The following TMEM266 variants were observed in gnomAD, a reference collection of about 807,000 sequenced individuals.
The protein encoded by TMEM266 is Hv1 related protein 1.
TMEM266 carries 33 observed loss-of-function variants against 50.5 expected under a neutral mutation model. The observed-to-expected ratio is 0.65, with a 90% confidence interval of 0.50 to 0.87. The LOEUF (loss-of-function observed/expected upper bound fraction) is 0.87, where lower values mean the gene tolerates loss of function less well. TMEM266 is among the 40% of genes least tolerant of loss of function. TMEM266 has a pLI of 0.00. For missense variants in TMEM266, 655 were observed against 695.1 expected (o/e 0.94, Z 0.65); for synonymous variants, 310 against 292.3 (o/e 1.06, Z -0.62).
In TMEM266 at chr15:76,133,549, G is replaced by T. The variant is rs561202595; in HGVS notation, c.-96-619G>T. Among the ~76,000 whole-genome samples, 194 of 152,342 alleles carry T rather than the reference G, an allele frequency of 1.3e-3. 2 individuals are homozygous for T. In the Middle Eastern group the frequency reaches 0.014, roughly 11 times the overall value. ...TTACAGGCATGACCTCATGTAGTTA[G>T]TTCTGTTATTATCCCCATTTTTCAG... On this transcript the variant is annotated intron_variant, in intron 1 of 10. Coordinates refer to ENST00000388942, the MANE Select transcript of TMEM266 (RefSeq NM_152335.3).
At chr15:76,202,606 G>A (rs2038766132) in intron 10 of TMEM266, among the ~76,000 whole-genome samples, 1 of 152,180 alleles carries the variant, frequency 6.6e-6, no homozygotes, top group Non-Finnish European at 1.5e-5. Context: ...GGGCACAGTG[G>A]AGGCTGAGGT....
chr15:76,202,408 C>T (rs2038763013), intron 10 of TMEM266, 144 bp downstream of exon 10: 1 of 739,836 alleles, frequency 1.4e-6, no homozygotes, highest in Non-Finnish European at 2.1e-6. Flanking sequence ...GTTAAAATAT[C>T]GGAGCTTCAG....
At chr15:76,199,027 A>G (rs1423104598) in intron 9 of TMEM266, among the ~76,000 whole-genome samples, 1 of 123,210 alleles carries the variant, frequency 8.1e-6, no homozygotes, top group East Asian at 3.4e-4. Flanking sequence ...GGAGCAAGTA[A>G]TCTAATTCAT....
chr15:76,086,300 A>T (rs1319966168), intron 1 of TMEM266, among the ~76,000 whole-genome samples: 1 of 152,210 alleles, frequency 6.6e-6, no homozygotes, highest in African/African-American at 2.4e-5. Context: ...TCCCATTTTT[A>T]AACAGTCTAA....
At chr15:76,151,037 G>A (rs1302440278) in intron 3 of TMEM266, among the ~76,000 whole-genome samples, 1 of 152,110 alleles carries the variant, frequency 6.6e-6, no homozygotes, top group Non-Finnish European at 1.5e-5. Flanking sequence ...TCTGCTTGTT[G>A]GTATTTGCAG....
intron 3 of TMEM266, among the ~76,000 whole-genome samples, chr15:76,146,348 A>T (rs973233293): frequency 8.6e-5 from 13 of 151,564 alleles, no homozygotes; most frequent in Non-Finnish European, 1.9e-4. Flanking sequence ...AAAAATAAAA[A>T]TAAAGTAAGA....
chr15:76,197,326 A>G (rs1294598708), intron 9 of TMEM266, among the ~76,000 whole-genome samples: 1 of 152,190 alleles, frequency 6.6e-6, no homozygotes, highest in Non-Finnish European at 1.5e-5. Flanking sequence ...TGGGTTTAGA[A>G]CTGAGGTCTG....
chr15:76,201,195 C>G (rs985706364), intron 9 of TMEM266, among the ~76,000 whole-genome samples: 1 of 152,144 alleles, frequency 6.6e-6, no homozygotes, highest in Non-Finnish European at 1.5e-5. Context: ...CTGCCACAGC[C>G]TCTCCCAATC....
intron 3 of TMEM266, among the ~76,000 whole-genome samples, chr15:76,151,427 G>A (rs1038676938): frequency 6.6e-6 from 1 of 152,044 alleles, no homozygotes; most frequent in Non-Finnish European, 1.5e-5. Flanking sequence ...AAAAGCCTGC[G>A]GCTTCAGCCC....
intron 1 of TMEM266, among the ~76,000 whole-genome samples, chr15:76,106,024 A>T (rs373392581): frequency 1.3e-5 from 2 of 152,270 alleles, no homozygotes; most frequent in South Asian, 4.1e-4. Flanking sequence ...CACCCTGTCT[A>T]GCAACCTCTC....
At chr15:76,203,129 G>A (rs1425443448) in intron 10 of TMEM266, among the ~76,000 whole-genome samples, 2 of 151,972 alleles carry the variant, frequency 1.3e-5, no homozygotes, top group Non-Finnish European at 2.9e-5. Context: ...CTCTGATCCT[G>A]TGATGCATGC....
intron 1 of TMEM266, among the ~76,000 whole-genome samples, chr15:76,108,748 C>T (rs534337900): frequency 6.6e-6 from 1 of 152,266 alleles, no homozygotes; most frequent in African/African-American, 2.4e-5. Flanking sequence ...TTGATCTTTC[C>T]TGGGTATCCA....
At chr15:76,196,305 A>T (rs1165343398) in intron 9 of TMEM266, among the ~76,000 whole-genome samples, 22 of 152,156 alleles carry the variant, frequency 1.4e-4, no homozygotes, top group Non-Finnish European at 1.5e-5. Flanking sequence ...TGCCTGCCCC[A>T]GCCTAGGCAC....
Position 76,203,943 on chromosome 15 carries a change from C to T in TMEM266, c.1224C>T (p.Ser408=), listed in dbSNP as rs775954670. The T allele has an allele frequency of 6.2e-7, 1 of 1,613,900 alleles. No homozygotes were observed. Among genetic ancestry groups the T allele is most frequent in the South Asian group, 1.1e-5 (1 of 91,066 alleles). ...ACAGCAGCCAGACGCTGGGCTCCTC[C>T]ATGGACTGCAGCACTGCCCGCGAGG... The change falls in exon 11 of 11, where the codon TCC becomes TCT. Residue 408 remains serine (S), a synonymous_variant. Coordinates refer to ENST00000388942, the MANE Select transcript of TMEM266 (RefSeq NM_152335.3).
intron 1 of TMEM266, among the ~76,000 whole-genome samples, chr15:76,123,678 T>C (rs890097928): frequency 1.3e-5 from 2 of 152,282 alleles, no homozygotes; most frequent in Admixed American, 1.3e-4. Context: ...AGATTATGTT[T>C]ATGGAAACAA....
At chr15:76,196,603 G>GCT (rs1434931035) in intron 9 of TMEM266, among the ~76,000 whole-genome samples, 1 of 151,400 alleles carries the variant, frequency 6.6e-6, no homozygotes, top group Non-Finnish European at 1.5e-5. Flanking sequence ...GGCCAGCGAG[G>GCT]CTCTGAGGCC....
intron 1 of TMEM266, among the ~76,000 whole-genome samples, chr15:76,115,428 C>T (rs1055799955): frequency 6.6e-6 from 1 of 152,246 alleles, no homozygotes; most frequent in African/African-American, 2.4e-5. Context: ...CTTGGTCTCT[C>T]ATCCCACTGG....
At chr15:76,135,255 C>A (rs1000530886) in intron 2 of TMEM266, among the ~76,000 whole-genome samples, 2 of 152,202 alleles carry the variant, frequency 1.3e-5, no homozygotes, top group African/African-American at 4.8e-5. Context: ...GTCTACCATA[C>A]CGTTCTTTGT....
At chr15:76,163,253 G>A (rs1367910871) in intron 5 of TMEM266, among the ~76,000 whole-genome samples, 1 of 152,214 alleles carries the variant, frequency 6.6e-6, no homozygotes, top group Non-Finnish European at 1.5e-5. Context: ...ACTTTGCTCT[G>A]TGCTGGCCCC....
Sources: allele counts gnomAD v4.1 joint callset (sites outside exome capture counted in the v4.1 genomes callset), GRCh38; gene constraint gnomAD v4.1.1; transcripts MANE v1.5; gene names NCBI Gene and HGNC (gene_info 2026-07-23, HGNC 2026-07-21).